The following TENM3 variants were observed in gnomAD, a reference collection of about 807,000 sequenced individuals.
TENM3 encodes the protein teneurin transmembrane protein 3.
A neutral mutation model predicts 255.1 loss-of-function variants in TENM3; 63 were observed. That is an observed-to-expected ratio of 0.25 (90% CI 0.20 to 0.30). The LOEUF (loss-of-function observed/expected upper bound fraction) is 0.30. TENM3 is among the 10% of genes least tolerant of loss of function. TENM3 has a pLI of 1.00. For synonymous variants in TENM3, 1,306 were observed against 1,322.3 expected (o/e 0.99, Z 0.27); for missense variants, 2,929 against 3,461.1 (o/e 0.85, Z 3.86).
chr4:182,597,195 G>C (rs2152402985), intron 3 of TENM3, among the ~76,000 whole-genome samples: 1 of 151,704 alleles, frequency 6.6e-6, no homozygotes, highest in African/African-American at 2.4e-5. Flanking sequence ...TTGAGCCCAG[G>C]AGTTCAAGAC....
At chr4:182,661,878 A>G (rs565131383) in intron 6 of TENM3, among the ~76,000 whole-genome samples, 4 of 152,226 alleles carry the variant, frequency 2.6e-5, no homozygotes, top group African/African-American at 9.6e-5. Flanking sequence ...TTTCCGTTTC[A>G]CTCATTATAG....
the TENM3 span, among the ~76,000 whole-genome samples, chr4:182,042,397 A>G: frequency 6.6e-6 from 1 of 152,152 alleles, no homozygotes; most frequent in Non-Finnish European, 1.5e-5. Context: ...AGAATTTACA[A>G]GAGAAAATCT....
At chr4:182,407,958 T>A (rs189947033) in intron 3 of TENM3, among the ~76,000 whole-genome samples, 148 of 152,340 alleles carry the variant, frequency 9.7e-4, no homozygotes, top group African/African-American at 3.5e-3. Flanking sequence ...GCACTTACCT[T>A]GAGATTTTAT....
At chr4:182,546,472 C>T (rs1389989165) in intron 3 of TENM3, among the ~76,000 whole-genome samples, 1 of 151,856 alleles carries the variant, frequency 6.6e-6, no homozygotes, top group Non-Finnish European at 1.5e-5. Context: ...CAGGGACTTG[C>T]TTTATCCAGA....
chr4:181,753,934 G>A, the TENM3 span, among the ~76,000 whole-genome samples: 6 of 152,266 alleles, frequency 3.9e-5, no homozygotes, highest in East Asian at 9.7e-4. Flanking sequence ...ACACTGGGGG[G>A]AGTTAATAGA....
intron 12 of TENM3, among the ~76,000 whole-genome samples, chr4:182,708,580 A>G (rs922133337): frequency 7.9e-5 from 12 of 152,140 alleles, no homozygotes; most frequent in African/African-American, 2.7e-4. Context: ...AGGGTGGATC[A>G]TGAGGTCAGG....
chr4:182,766,633 C>CCAT (rs1763741232), intron 22 of TENM3, among the ~76,000 whole-genome samples: 2 of 152,108 alleles, frequency 1.3e-5, no homozygotes, highest in South Asian at 4.2e-4. Context: ...ATTTCTGTGA[C>CCAT]CATCTATCAC....
intron 3 of TENM3, among the ~76,000 whole-genome samples, chr4:182,377,467 C>T (rs957862382): frequency 6.6e-6 from 1 of 152,064 alleles, no homozygotes; most frequent in African/African-American, 2.4e-5. Context: ...GCATCCACCA[C>T]TAGGCCAGGC....
chr4:182,281,254 T>G (rs2150271999), intron 1 of TENM3, among the ~76,000 whole-genome samples: 1 of 152,338 alleles, frequency 6.6e-6, no homozygotes, highest in East Asian at 1.9e-4. Flanking sequence ...TATTTAATAC[T>G]ATAATAGCAT....
chr4:182,756,349 C>G lies in TENM3; in HGVS notation c.4892+1090C>G, dbSNP rs1178431352. 3.3e-5 allele frequency among the ~76,000 whole-genome samples: 5 copies of G among 152,232 alleles called. No homozygotes were observed. In the East Asian group the frequency reaches 9.7e-4, roughly 29 times the overall value. On this transcript the variant is annotated intron_variant, in intron 22 of 27. Coordinates refer to ENST00000511685, the MANE Select transcript of TENM3 (RefSeq NM_001080477.4). Reference sequence around the variant, plus strand: ...ATAGCATGGAGTGGTGGCCCGGGCACTGTGCTGTCTGAACAGTCACATCTT... The same window carrying G: ...ATAGCATGGAGTGGTGGCCCGGGCAGTGTGCTGTCTGAACAGTCACATCTT...
intron 1 of TENM3, among the ~76,000 whole-genome samples, chr4:182,243,954 T>C (rs868603305): frequency 1.7e-4 from 23 of 136,588 alleles, no homozygotes; most frequent in East Asian, 6.1e-4. Flanking sequence ...TTCTTTTTTT[T>C]TTTTTTTTTT....
At chr4:181,982,596 T>C in the TENM3 span, among the ~76,000 whole-genome samples, 2 of 152,114 alleles carry the variant, frequency 1.3e-5, no homozygotes, top group Non-Finnish European at 1.5e-5. Context: ...ATTTACTAAA[T>C]TGCATACTCG....
intron 1 of TENM3, among the ~76,000 whole-genome samples, chr4:182,312,263 A>G (rs1236246086): frequency 1.3e-5 from 2 of 152,156 alleles, no homozygotes; most frequent in African/African-American, 4.8e-5. Context: ...TTGGGAGGCC[A>G]AGGCCTGAGA....
chr4:182,701,209 A>ATTTTTTTTTTT (rs1561129558), intron 12 of TENM3, among the ~76,000 whole-genome samples: 4 of 23,860 alleles, frequency 1.7e-4, no homozygotes, highest in Admixed American at 8.3e-4. Flanking sequence ...CCAACTCTTG[A>ATTTTTTTTTTT]CTTTTTTTTT....
In TENM3 at chr4:182,628,678, T is replaced by C; in HGVS notation, c.777T>C (p.Gly259=). The C allele has an allele frequency of 1.3e-6, 2 of 1,597,478 alleles. No individual in the cohort carries two copies. The highest frequency in any genetic ancestry group is 1.7e-6 in the Non-Finnish European group (2 of 1,171,216). ...ATTTCCTATTCAAAACAGGAACAGG[T>C]ACAACGCCACTGTTCAGTACTGCAA... is the stretch of plus-strand genomic sequence containing the variant. ...SRHFLFKTGT[G]TTPLFSTATP... is the part of the protein sequence containing the mutation. Residue 259 remains glycine (G), a synonymous_variant, in exon 5 of 28, where the codon GGT becomes GGC. Transcript: ENST00000511685.
chr4:182,032,121 T>A, the TENM3 span, among the ~76,000 whole-genome samples: 3 of 152,210 alleles, frequency 2.0e-5, no homozygotes, highest in Non-Finnish European at 4.4e-5. Flanking sequence ...GGTATCCTTG[T>A]CTTGTCCCAG....
Position 182,728,969 on chromosome 4 carries a change from A to C in TENM3, c.2373A>C (p.Gly791=), listed in dbSNP as rs892959281. The part of the protein sequence containing the change: ...CTDSKDNEGD[G]LIDCMDPDCC... ...GGGGAACATTTCTCTCTACAGATGG[A>C]CTCATTGACTGCATGGATCCCGATT... is the stretch of plus-strand genomic sequence containing the variant. Residue 791 remains glycine (G), a synonymous_variant, in exon 14 of 28, where the codon GGA becomes GGC. Transcript: ENST00000511685. 6.2e-7 allele frequency: 1 copy of C among 1,613,446 alleles called. No homozygotes were observed.
intron 3 of TENM3, among the ~76,000 whole-genome samples, chr4:182,351,787 G>A (rs1561353626): frequency 6.6e-6 from 1 of 152,232 alleles, no homozygotes; most frequent in East Asian, 1.9e-4. Context: ...GAGACCTTGG[G>A]CAAGTTGCTC....
chr4:182,170,409 C>T (rs1258446224), intron 1 of TENM3, among the ~76,000 whole-genome samples: 1 of 152,096 alleles, frequency 6.6e-6, no homozygotes, highest in African/African-American at 2.4e-5. Context: ...CTTTCTTTCT[C>T]CTTAGAAGTT....
Sources: gnomAD v4.1 joint callset for allele counts (sites outside exome capture counted in the v4.1 genomes callset) on GRCh38, gnomAD v4.1.1 for gene constraint, MANE v1.5 for transcripts, NCBI Gene and HGNC (gene_info 2026-07-23, HGNC 2026-07-21) for gene names.